SDAD1: variants seen among roughly 807,000 people sequenced by gnomAD.
The protein encoded by SDAD1 is protein SDA1 homolog.
Under a neutral mutation model 100.3 loss-of-function variants are expected in SDAD1, and 79 were observed. The observed-to-expected ratio is 0.79, with a 90% confidence interval of 0.66 to 0.95. The LOEUF (loss-of-function observed/expected upper bound fraction) is 0.95, where lower values mean the gene tolerates loss of function less well. Ranked by LOEUF, SDAD1 falls within the 40% of genes least tolerant of loss-of-function variation. The pLI is 0.00. For missense variants in SDAD1, 790 were observed against 810.9 expected (o/e 0.97, Z 0.31); for synonymous variants, 267 against 271.4 (o/e 0.98, Z 0.16).
rs1361920951 is a variant in SDAD1, at chr4:75,950,137, G to T, written c.*613C>A. On this transcript the variant is annotated 3_prime_UTR_variant, in exon 22 of 22. Transcript: ENST00000356260. ...AAAAACAAAAACAAAAAAAACACGG[G>T]GGGGGGGGGGTCACTTAAATCTCTT... 2 of 120,888 alleles carry T rather than the reference G, an allele frequency of 1.7e-5. No homozygotes were observed. Among genetic ancestry groups the T allele is most frequent in the South Asian group, 2.9e-4 (1 of 3,452 alleles). 7.5% of individuals were successfully genotyped at this position (120,888 alleles called of 1,614,324 possible).
intron 12 of SDAD1, among the ~76,000 whole-genome samples, chr4:75,966,412 C>T (rs544191461): frequency 1.3e-5 from 2 of 152,210 alleles, no homozygotes; most frequent in East Asian, 3.9e-4. Context: ...TGCTGAGTGA[C>T]TCTAGTCTTT....
intron 1 of SDAD1, among the ~76,000 whole-genome samples, chr4:75,982,917 G>A (rs1284501632): frequency 3.3e-5 from 5 of 152,138 alleles, no homozygotes; most frequent in South Asian, 2.1e-4. Context: ...TCCACATTAG[G>A]TATTTCTCCT....
intron 1 of SDAD1, among the ~76,000 whole-genome samples, chr4:75,984,337 T>C (rs1385818679): frequency 6.6e-6 from 1 of 152,058 alleles, no homozygotes; most frequent in East Asian, 1.9e-4. Flanking sequence ...GATTTTTCAT[T>C]TTTATTTTTT....
In SDAD1 at chr4:75,979,602, C is replaced by T. The variant is rs188418229; in HGVS notation, c.294+1770G>A. On this transcript the variant is annotated intron_variant, in intron 3 of 21. Coordinates refer to ENST00000356260, the MANE Select transcript of SDAD1 (RefSeq NM_018115.4). ...TCCCAAGTAGCTGGGATTACAGGCACGCACCACCATGCCCGGCTTATTTTG... is the reference window on the plus strand; with the variant it reads ...TCCCAAGTAGCTGGGATTACAGGCATGCACCACCATGCCCGGCTTATTTTG... Among the ~76,000 whole-genome samples the T allele has an allele frequency of 1.8e-4, 28 of 151,884 alleles. 1 individual carries two copies. The East Asian group carries it at 1.9e-3, about 11-fold the overall frequency.
intron 4 of SDAD1, among the ~76,000 whole-genome samples, chr4:75,976,660 G>A (rs1401736005): frequency 2.0e-5 from 3 of 152,076 alleles, no homozygotes; most frequent in African/African-American, 4.8e-5. Context: ...GTTGTACCAC[G>A]CTGTGAATAC....
chr4:75,971,323 C>T, intron 9 of SDAD1, 34 bp downstream of exon 9: 3 of 1,397,454 alleles, frequency 2.1e-6, no homozygotes, highest in Non-Finnish European at 3.0e-6. Flanking sequence ...TCACTCTAAT[C>T]ACTCCTATCT....
chr4:75,990,442 T>C (rs769195605), intron 1 of SDAD1, among the ~76,000 whole-genome samples: 1 of 152,150 alleles, frequency 6.6e-6, no homozygotes, highest in African/African-American at 2.4e-5. Flanking sequence ...GGTGGTTGGG[T>C]GCGGCCCATT....
At chr4:75,958,285 T>C (rs1489222181) in intron 17 of SDAD1, among the ~76,000 whole-genome samples, 1 of 152,192 alleles carries the variant, frequency 6.6e-6, no homozygotes, top group Non-Finnish European at 1.5e-5. Context: ...CATGTCTACC[T>C]TTAGGGTCAT....
chr4:75,955,874 A>G (rs1728859960), intron 21 of SDAD1, 101 bp downstream of exon 21: 1 of 1,328,494 alleles, frequency 7.5e-7, no homozygotes. Flanking sequence ...AGACACACAC[A>G]ATAATGCCCA....
intron 4 of SDAD1, among the ~76,000 whole-genome samples, chr4:75,976,885 T>G (rs75560396): frequency 4.7e-4 from 72 of 152,288 alleles, no homozygotes; most frequent in African/African-American, 1.6e-3. Flanking sequence ...ATTGCTAAAA[T>G]CAAACAGTGG....
rs755382278 is a variant in SDAD1 at position 75,957,421 on chromosome 4, GA to G, written c.1770-13del. 17 of 1,613,002 alleles carry G rather than the reference GA, an allele frequency of 1.1e-5. No individual in the cohort carries two copies. In the East Asian group the frequency reaches 3.8e-4, roughly 36 times the overall value. ...AAAGTAATTCACCCCTGGGGTGAGGGAAAAATAACACATGAAACAAGAATGG... is the reference window on the plus strand; with the variant it reads ...AAAGTAATTCACCCCTGGGGTGAGGGAAAATAACACATGAAACAAGAATGG... On this transcript the variant is annotated splice_polypyrimidine_tract_variant and intron_variant, in intron 19 of 21. Transcript: ENST00000356260.
At chr4:75,959,789 C>G (rs1159528036) in intron 17 of SDAD1, among the ~76,000 whole-genome samples, 1 of 152,124 alleles carries the variant, frequency 6.6e-6, no homozygotes, top group East Asian at 1.9e-4. Flanking sequence ...GCAACAAACA[C>G]AAGATCATTG....
intron 1 of SDAD1, among the ~76,000 whole-genome samples, chr4:75,986,452 T>G (rs1730899660): frequency 6.6e-6 from 1 of 152,194 alleles, no homozygotes; most frequent in African/African-American, 2.4e-5. Context: ...TCACTAGGAA[T>G]ATAAGCAATC....
chr4:75,990,347 A>G (rs2149337121), intron 1 of SDAD1, among the ~76,000 whole-genome samples: 1 of 148,172 alleles, frequency 6.7e-6, no homozygotes, highest in East Asian at 2.1e-4. Context: ...AATCGAAAGC[A>G]TTCTAACATA....
intron 11 of SDAD1, among the ~76,000 whole-genome samples, chr4:75,967,680 G>A (rs1266780734): frequency 6.6e-6 from 1 of 152,190 alleles, no homozygotes; most frequent in African/African-American, 2.4e-5. Flanking sequence ...GGGATTATAG[G>A]AAGGAACAGC....
chr4:75,962,543 C>T (rs1208684701), intron 14 of SDAD1, among the ~76,000 whole-genome samples: 3 of 152,218 alleles, frequency 2.0e-5, no homozygotes, highest in African/African-American at 4.8e-5. Flanking sequence ...TATTTCTCCA[C>T]ATCCTCTCCA....
At chr4:75,987,645 G>A (rs1224562855) in intron 1 of SDAD1, among the ~76,000 whole-genome samples, 1 of 152,072 alleles carries the variant, frequency 6.6e-6, no homozygotes, top group Non-Finnish European at 1.5e-5. Flanking sequence ...GGGATCACAG[G>A]TGCCCGCCAC....
At chr4:75,958,338 G>A (rs1386285765) in intron 17 of SDAD1, among the ~76,000 whole-genome samples, 2 of 152,192 alleles carry the variant, frequency 1.3e-5, no homozygotes, top group Non-Finnish European at 2.9e-5. Flanking sequence ...AACTGCACTT[G>A]TACATTTATC....
At chr4:75,952,758 T>C (rs1728685023) in intron 21 of SDAD1, among the ~76,000 whole-genome samples, 2 of 152,216 alleles carry the variant, frequency 1.3e-5, no homozygotes, top group African/African-American at 2.4e-5. Context: ...ATTTGAAATG[T>C]GGCTAGTCCA....
Sources: gnomAD v4.1 joint callset for allele counts (sites outside exome capture counted in the v4.1 genomes callset) on GRCh38, gnomAD v4.1.1 for gene constraint, MANE v1.5 for transcripts, NCBI Gene and HGNC (gene_info 2026-07-23, HGNC 2026-07-21) for gene names.